The following SDAD1 variants were observed in gnomAD, a reference collection of about 807,000 sequenced individuals.
SDAD1 encodes protein SDA1 homolog.
SDAD1 carries 79 observed loss-of-function variants against 100.3 expected under a neutral mutation model. The ratio of observed to expected loss-of-function variants is 0.79; its 90% CI spans 0.66 to 0.95. The LOEUF (loss-of-function observed/expected upper bound fraction) is 0.95. SDAD1 is among the 40% of genes least tolerant of loss of function. The pLI, the probability that SDAD1 is intolerant of heterozygous loss-of-function variation, is 0.00. For synonymous variants in SDAD1, 267 were observed against 271.4 expected, an observed-to-expected ratio of 0.98 and a Z score of 0.16; for missense variants, 790 against 810.9, an observed-to-expected ratio of 0.97 and a Z score of 0.31.
chr4:75,958,627 C>G (rs1422735966), intron 17 of SDAD1, among the ~76,000 whole-genome samples: 1 of 152,136 alleles, frequency 6.6e-6, no homozygotes, highest in African/African-American at 2.4e-5. Context: ...GGTCACCAAA[C>G]TCTATCTCAA....
rs375225256 is a variant in SDAD1 at position 75,966,267 on chromosome 4, TACACACACACACACACACACAC to T, written c.1046-467_1046-446del. On this transcript the variant is annotated intron_variant, in intron 12 of 21. Coordinates refer to ENST00000356260, the MANE Select transcript of SDAD1 (RefSeq NM_018115.4). ...AATAAATACTTGCTGAATGAATGCA[TACACACACACACACACACACAC>T]ACACACACACACACACACACACACT... Among the ~76,000 whole-genome samples, 464 of 139,284 alleles carry T rather than the reference TACACACACACACACACACACAC, an allele frequency of 3.3e-3. 4 individuals carry two copies. Among genetic ancestry groups the T allele is most frequent in the African/African-American group, 0.011 (429 of 38,210 alleles). The allele number at this position is 139,284 out of a possible 152,430, so 91.4% of individuals were successfully genotyped here.
chr4:75,970,433 G>T, intron 9 of SDAD1, 55 bp from the exon 10 acceptor site: 2 of 1,350,422 alleles, frequency 1.5e-6, no homozygotes, highest in Non-Finnish European at 2.1e-6. Flanking sequence ...GATGCTCTTA[G>T]AACTTAATGT....
chr4:75,966,336 A>G (rs1348227615), intron 12 of SDAD1, among the ~76,000 whole-genome samples: 2 of 151,680 alleles, frequency 1.3e-5, no homozygotes, highest in East Asian at 3.9e-4. Flanking sequence ...AAGGGGCAGC[A>G]TAGCATAGGT....
At chr4:75,988,749 C>G (rs539285956) in intron 1 of SDAD1, among the ~76,000 whole-genome samples, 2 of 152,242 alleles carry the variant, frequency 1.3e-5, no homozygotes, top group South Asian at 4.1e-4. Flanking sequence ...CAGGAAATGG[C>G]ACTATCATCT....
At position 75,965,255 on chromosome 4, in the gene SDAD1, G is replaced by A. The variant is rs577847920; in HGVS notation, c.1104+509C>T. Among the ~76,000 whole-genome samples the A allele has an allele frequency of 2.4e-4, 37 of 152,298 alleles. No homozygotes were observed. The East Asian group carries it at 4.1e-3, about 17-fold the overall frequency. On this transcript the variant is annotated intron_variant, in intron 13 of 21. Coordinates refer to ENST00000356260, the MANE Select transcript of SDAD1 (RefSeq NM_018115.4). ...GCCCCGGTCTCCCGTGGCACTCCCAGGCTTATTAGGATGAGGAAATTCCCG... is the reference window on the plus strand; with the variant it reads ...GCCCCGGTCTCCCGTGGCACTCCCAAGCTTATTAGGATGAGGAAATTCCCG...
Position 75,964,143 on chromosome 4 carries a change from C to T in SDAD1, c.1173G>A (p.Met391Ile), listed in dbSNP as rs765344704. Reference protein sequence around the residue: ...FVTDKNSGEVMTVGINAIKEI... With the variant: ...FVTDKNSGEVITVGINAIKEI... ...AACCAGATTCTACATACCCTACTGTCATGACTTCTCCAGAGTTCTTGTCGG... is the reference window on the plus strand; with the variant it reads ...AACCAGATTCTACATACCCTACTGTTATGACTTCTCCAGAGTTCTTGTCGG... Residue 391 changes from methionine (M) to isoleucine (I), a missense_variant, in exon 14 of 22, where the codon ATG becomes ATA. By Grantham distance (10) the Met-to-Ile change is conservative (BLOSUM62 1). Coordinates refer to ENST00000356260, the MANE Select transcript of SDAD1 (RefSeq NM_018115.4). The T allele has an allele frequency of 1.2e-6, 2 of 1,607,918 alleles. No individual in the cohort carries two copies. The highest frequency in any genetic ancestry group is 1.7e-6 in the Non-Finnish European group (2 of 1,175,834).
At chr4:75,988,923 T>C (rs1226344358) in intron 1 of SDAD1, among the ~76,000 whole-genome samples, 1 of 152,184 alleles carries the variant, frequency 6.6e-6, no homozygotes, top group Non-Finnish European at 1.5e-5. Context: ...AATCCCTTGC[T>C]TGGTTATTCT....
In SDAD1 at chr4:75,990,767, C is replaced by T. The variant is rs200283245; in HGVS notation, c.75G>A (p.Pro25=). 3.7e-5 allele frequency: 60 copies of T among 1,614,108 alleles called. No homozygotes were observed. In the African/African-American group the frequency reaches 7.6e-4, roughly 20 times the overall value. ...QLQNLIKRDP[P]AYIEEFLQQY... is the part of the protein sequence containing the mutation. Reference sequence around the variant, plus strand: ...GCACTCCCACCTCCTCGATGTAGGCCGGCGGGTCTCGCTTGATTAGATTCT... The same window carrying T: ...GCACTCCCACCTCCTCGATGTAGGCTGGCGGGTCTCGCTTGATTAGATTCT... The change falls in exon 1 of 22, where the codon CCG becomes CCA. Residue 25 remains proline (P), a synonymous_variant. Transcript: ENST00000356260.
In SDAD1 at chr4:75,990,883, A is replaced by G; in HGVS notation, c.-42T>C. On this transcript the variant is annotated 5_prime_UTR_variant, in exon 1 of 22. Transcript: ENST00000356260. ...CTTCGCGGCGAGCAGTTTTAAAAAA[A>G]CTCAGACGGCCGGCACCCCGCAATC... 1 of 1,613,052 alleles carries G rather than the reference A, an allele frequency of 6.2e-7. No homozygotes were observed. Among genetic ancestry groups the G allele is most frequent in the Non-Finnish European group, 8.5e-7 (1 of 1,179,622 alleles).
chr4:75,972,807 G>T (rs1431052829), intron 8 of SDAD1, among the ~76,000 whole-genome samples: 1 of 151,758 alleles, frequency 6.6e-6, no homozygotes, highest in Non-Finnish European at 1.5e-5. Context: ...GGATCGTGAG[G>T]TCAGGAGATC....
chr4:75,981,115 A>T (rs993600273), intron 3 of SDAD1: 4 of 376,332 alleles, frequency 1.1e-5, no homozygotes, highest in African/African-American at 6.1e-5. Flanking sequence ...GAAAGATCAC[A>T]GTGTAGCTGA....
At chr4:75,981,588 G>C (rs1560555060) in intron 2 of SDAD1, 118 bp from the exon 3 acceptor site, 2 of 1,512,264 alleles carry the variant, frequency 1.3e-6, no homozygotes, top group East Asian at 4.9e-5. Flanking sequence ...AGAAGTAGAT[G>C]GTTCCAAACA....
chr4:75,976,427 A>G (rs1042008929), intron 4 of SDAD1, among the ~76,000 whole-genome samples: 2 of 152,252 alleles, frequency 1.3e-5, no homozygotes, highest in Non-Finnish European at 1.5e-5. Context: ...AACATGAATG[A>G]ATCTTGGAAA....
chr4:75,984,782 C>A (rs977016252), intron 1 of SDAD1, among the ~76,000 whole-genome samples: 26 of 131,932 alleles, frequency 2.0e-4, no homozygotes, highest in African/African-American at 7.9e-4. Context: ...CACACAAACA[C>A]ACACACACAC....
chr4:75,982,785 C>A (rs974020080), intron 1 of SDAD1, among the ~76,000 whole-genome samples: 1 of 151,784 alleles, frequency 6.6e-6, no homozygotes, highest in African/African-American at 2.4e-5. Context: ...ATCCCACCCC[C>A]CCACTGCCAC....
intron 8 of SDAD1, among the ~76,000 whole-genome samples, chr4:75,971,907 C>T (rs978509079): frequency 2.0e-5 from 3 of 150,292 alleles, no homozygotes; most frequent in African/African-American, 7.3e-5. Context: ...TGTGCACAAA[C>T]AGGTACATAC....
rs537397881 is a variant in SDAD1, at chr4:75,970,541, C to T, written c.814-163G>A. ...CTAGAAGAATTAAAGTTGGTTTTTGCCTTTTAAGATTAAATGTGGGGAATG... is the reference window on the plus strand; with the variant it reads ...CTAGAAGAATTAAAGTTGGTTTTTGTCTTTTAAGATTAAATGTGGGGAATG... On this transcript the variant is annotated intron_variant, in intron 9 of 21. Coordinates refer to ENST00000356260, the MANE Select transcript of SDAD1 (RefSeq NM_018115.4). Among the ~76,000 whole-genome samples, 24 of 152,220 alleles carry T rather than the reference C, an allele frequency of 1.6e-4. No individual in the cohort carries two copies. The South Asian group carries it at 5.0e-3, about 32-fold the overall frequency.
At chr4:75,989,166 T>G (rs1449709177) in intron 1 of SDAD1, among the ~76,000 whole-genome samples, 2 of 152,218 alleles carry the variant, frequency 1.3e-5, no homozygotes, top group Non-Finnish European at 2.9e-5. Flanking sequence ...CATCTTCCAC[T>G]GCCCTCTTCT....
intron 7 of SDAD1, 43 bp from the exon 8 acceptor site, chr4:75,973,434 A>G: frequency 7.2e-7 from 1 of 1,389,800 alleles, no homozygotes; most frequent in Non-Finnish European, 1.0e-6. Flanking sequence ...GATTCAGCTT[A>G]AAATAAAGAA....
Sources: gnomAD v4.1 joint callset for allele counts (sites outside exome capture counted in the v4.1 genomes callset) on GRCh38, gnomAD v4.1.1 for gene constraint, MANE v1.5 for transcripts, NCBI Gene and HGNC (gene_info 2026-07-23, HGNC 2026-07-21) for gene names.